Variants in ZNF664 observed in about 807,000 individuals in gnomAD.
ZNF664 encodes the protein zinc finger Organ of Corti 1.
Under a neutral mutation model 18.2 loss-of-function variants are expected in ZNF664, and 10 were observed. The ratio of observed to expected loss-of-function variants is 0.55; its 90% CI spans 0.34 to 0.93. The LOEUF is 0.93. ZNF664 is among the 40% of genes least tolerant of loss of function. The probability of loss-of-function intolerance (pLI) is 0.02; values close to 1 mark genes in which losing one functional copy is unlikely to be tolerated. For synonymous variants in ZNF664, 119 were observed against 104.2 expected (o/e 1.14, Z -0.86); for missense variants, 193 against 319.0 (o/e 0.61, Z 3.01).
In ZNF664 at chr12:124,012,497, G is replaced by GTGAGTGTGGAAGGGGCT; in HGVS notation, c.355_371dup (p.Phe124LeufsTer149). On this transcript the variant is annotated frameshift_variant, in exon 5 of 5. Transcript: ENST00000337815. LOFTEE classifies it high-confidence loss of function. ...ACAGGTGAGAAACCGTATGTCTGTAGTGAGTGTGGAAGGGGCTTTAGTAAT... is the reference window on the plus strand; with the variant it reads ...ACAGGTGAGAAACCGTATGTCTGTAGTGAGTGTGGAAGGGGCTTGAGTGTGGAAGGGGCTTTAGTAAT... 1 of 1,614,212 alleles carries GTGAGTGTGGAAGGGGCT rather than the reference G, an allele frequency of 6.2e-7. No individual in the cohort carries two copies. The highest frequency in any genetic ancestry group is 8.5e-7 in the Non-Finnish European group (1 of 1,180,044).
chr12:123,987,661 G>A (rs769594643), intron 2 of ZNF664, among the ~76,000 whole-genome samples: 2 of 152,086 alleles, frequency 1.3e-5, no homozygotes, highest in South Asian at 2.1e-4. Flanking sequence ...TGGAAAATCC[G>A]TGAAAAAACA....
rs773222377 is a variant in ZNF664, at chr12:124,012,444, C to A, written c.300C>A (p.Ser100=). The change falls in exon 5 of 5, where the codon TCC becomes TCA. Residue 100 remains serine, a synonymous_variant. Transcript: ENST00000337815. The part of the protein sequence containing the change: ...YECGKAFNWS[S]HLQIHMRVHT... ...GTGGCAAAGCCTTCAATTGGAGCTC[C>A]CATCTTCAAATTCATATGAGAGTTC... 2.5e-6 allele frequency: 4 copies of A among 1,614,032 alleles called. No individual in the cohort carries two copies. In the African/African-American group the frequency reaches 4.0e-5, roughly 16 times the overall value.
chr12:124,014,402 T>G lies in ZNF664; in HGVS notation c.*1472T>G, dbSNP rs568883404. ...AGTATCCTGACTTTCAGAGGCCTTT[T>G]TTTGTTTGTTTTAATTTTTGCTAGA... On this transcript the variant is annotated 3_prime_UTR_variant, in exon 5 of 5. Transcript: ENST00000337815. 4 of 167,194 alleles carry G rather than the reference T, an allele frequency of 2.4e-5. No homozygotes were observed. Among genetic ancestry groups the G allele is most frequent in the South Asian group, 4.1e-4 (2 of 4,824 alleles). The allele number at this position is 167,194 out of a possible 1,614,324, so 10.4% of individuals were successfully genotyped here.
At chr12:123,977,893 T>G (rs1185405187) in intron 2 of ZNF664, among the ~76,000 whole-genome samples, 1 of 151,854 alleles carries the variant, frequency 6.6e-6, no homozygotes, top group Admixed American at 6.6e-5. Context: ...CTAAAGAAAA[T>G]GTAAGTAAAT....
At chr12:123,973,819 G>C in intron 1 of ZNF664, 67 bp from the exon 2 acceptor site, 2 of 1,229,640 alleles carry the variant, frequency 1.6e-6, no homozygotes, top group Non-Finnish European at 2.0e-6. Flanking sequence ...TCATGGCCGC[G>C]CCAGGGGACC....
intron 2 of ZNF664, among the ~76,000 whole-genome samples, chr12:123,979,444 A>G (rs1864282724): frequency 6.6e-6 from 1 of 152,136 alleles, no homozygotes; most frequent in Non-Finnish European, 1.5e-5. Context: ...TGGGACATAA[A>G]ATTTTTCCAA....
In ZNF664 at chr12:123,973,234, T is replaced by C. The variant is rs1227604442; in HGVS notation, c.-1010T>C. The C allele has an allele frequency of 1.4e-5, 14 of 985,636 alleles. No homozygotes were observed. Among genetic ancestry groups the C allele is most frequent in the Non-Finnish European group, 1.6e-5 (13 of 833,676 alleles). The allele number at this position is 985,636 out of a possible 1,614,324, so 61.1% of individuals were successfully genotyped here. A position where few individuals can be genotyped will look rare whatever the true frequency, so the allele number is the denominator to read the frequency against. On this transcript the variant is annotated 5_prime_UTR_variant, in exon 1 of 5. Transcript: ENST00000337815. Reference sequence around the variant, plus strand: ...GCACGCGCGCTGTCCCCCGGAGGCGTCTGGGTGTGCGGAGCGCGCGCGCGC... The same window carrying C: ...GCACGCGCGCTGTCCCCCGGAGGCGCCTGGGTGTGCGGAGCGCGCGCGCGC...
chr12:123,980,840 T>G (rs1956755986), intron 2 of ZNF664, among the ~76,000 whole-genome samples: 1 of 152,230 alleles, frequency 6.6e-6, no homozygotes, highest in Admixed American at 6.5e-5. Flanking sequence ...TTTGCCAAGA[T>G]TACATGTACC....
At chr12:123,990,747 G>A (rs1956879415) in intron 3 of ZNF664, among the ~76,000 whole-genome samples, 1 of 152,226 alleles carries the variant, frequency 6.6e-6, no homozygotes, top group South Asian at 2.1e-4. Flanking sequence ...CTGGTCCCTT[G>A]AGGGAGACAA....
chr12:123,987,584 A>G (rs535682942), intron 2 of ZNF664, among the ~76,000 whole-genome samples: 85 of 152,318 alleles, frequency 5.6e-4, no homozygotes, highest in African/African-American at 2.0e-3. Context: ...GCAGGTATGC[A>G]GTAGGGCCAG....
chr12:124,001,099 A>G (rs1957006194), intron 3 of ZNF664, among the ~76,000 whole-genome samples: 2 of 152,124 alleles, frequency 1.3e-5, no homozygotes, highest in African/African-American at 4.8e-5. Context: ...CAGTTATTCA[A>G]ATAAAAGACC....
intron 3 of ZNF664, among the ~76,000 whole-genome samples, chr12:123,996,688 T>TG: frequency 6.6e-6 from 1 of 152,104 alleles, no homozygotes; most frequent in Non-Finnish European, 1.5e-5. Context: ...AGAATGTCGT[T>TG]GGGGGCGGGC....
At chr12:124,003,049 A>G (rs1957031541) in intron 3 of ZNF664, among the ~76,000 whole-genome samples, 1 of 152,168 alleles carries the variant, frequency 6.6e-6, no homozygotes, top group Admixed American at 6.5e-5. Context: ...CCCTGTCCTG[A>G]CAGAGGCAGG....
intron 2 of ZNF664, among the ~76,000 whole-genome samples, chr12:123,982,786 A>G (rs559639555): frequency 4.1e-4 from 63 of 152,350 alleles, no homozygotes; most frequent in African/African-American, 1.4e-3. Flanking sequence ...AGTAGTTTCA[A>G]ACGGCCTAGA....
chr12:124,001,746 G>A (rs1957015000), intron 3 of ZNF664, among the ~76,000 whole-genome samples: 1 of 152,184 alleles, frequency 6.6e-6, no homozygotes, highest in Admixed American at 6.5e-5. Context: ...GATGAACATT[G>A]TCTCCCCACT....
chr12:123,985,918 T>C (rs1414608012), intron 2 of ZNF664, among the ~76,000 whole-genome samples: 1 of 152,248 alleles, frequency 6.6e-6, no homozygotes, highest in Non-Finnish European at 1.5e-5. Flanking sequence ...GCTATAGACA[T>C]TTAACATTTA....
At chr12:124,005,848 CTT>C (rs1957067048) in intron 3 of ZNF664, 2 of 152,712 alleles carry the variant, frequency 1.3e-5, no homozygotes, top group East Asian at 1.9e-4. Context: ...TCTGCGTACT[CTT>C]TTCTTCACCA....
intron 3 of ZNF664, among the ~76,000 whole-genome samples, chr12:124,005,530 A>AGC (rs1957063395): frequency 7.4e-6 from 1 of 134,776 alleles, no homozygotes; most frequent in Non-Finnish European, 1.6e-5. Flanking sequence ...TGTGTGAGAG[A>AGC]TAGGCCAGCA....
chr12:124,009,133 A>G (rs967249038), intron 3 of ZNF664, among the ~76,000 whole-genome samples: 4 of 152,320 alleles, frequency 2.6e-5, no homozygotes, highest in African/African-American at 9.6e-5. Context: ...GCTCCTAACA[A>G]CTTTAACATA....
Sources: allele counts gnomAD v4.1 joint callset (sites outside exome capture counted in the v4.1 genomes callset), GRCh38; gene constraint gnomAD v4.1.1; transcripts MANE v1.5; gene names NCBI Gene and HGNC (gene_info 2026-07-23, HGNC 2026-07-21).